Variants in FAM81B observed in about 807,000 individuals in gnomAD.
The protein encoded by FAM81B is family with sequence similarity 81 member B.
A neutral mutation model predicts 58.7 loss-of-function variants in FAM81B; 60 were observed. The ratio of observed to expected loss-of-function variants is 1.02; its 90% CI spans 0.83 to 1.27. The LOEUF (loss-of-function observed/expected upper bound fraction) is 1.27, where lower values mean the gene tolerates loss of function less well. Among genes scored for constraint, FAM81B ranks in the 50% most tolerant of loss-of-function variants. The probability of loss-of-function intolerance (pLI) is 0.00; values close to 1 mark genes in which losing one functional copy is unlikely to be tolerated. For synonymous variants in FAM81B, 189 were observed against 179.6 expected, an observed-to-expected ratio of 1.05 and a Z score of -0.42; for missense variants, 491 against 522.0, an observed-to-expected ratio of 0.94 and a Z score of 0.58.
intron 3 of FAM81B, among the ~76,000 whole-genome samples, chr5:95,398,967 G>A (rs1368085753): frequency 6.6e-6 from 1 of 152,212 alleles, no homozygotes; most frequent in Non-Finnish European, 1.5e-5. Flanking sequence ...TGGAGAAAAT[G>A]AATCCTGAGT....
At chr5:95,417,123 A>G (rs1432921377) in intron 4 of FAM81B, among the ~76,000 whole-genome samples, 1 of 152,236 alleles carries the variant, frequency 6.6e-6, no homozygotes, top group Non-Finnish European at 1.5e-5. Flanking sequence ...ATCTATTCTT[A>G]GAAGTGGAAT....
chr5:95,427,467 T>TA (rs983401482), intron 5 of FAM81B, among the ~76,000 whole-genome samples: 2 of 152,198 alleles, frequency 1.3e-5, no homozygotes, highest in Non-Finnish European at 2.9e-5. Context: ...AGGGTGATAC[T>TA]AAAGGGATAC....
At chr5:95,435,826 T>C (rs1354857209) in intron 6 of FAM81B, among the ~76,000 whole-genome samples, 2 of 152,226 alleles carry the variant, frequency 1.3e-5, no homozygotes, top group South Asian at 4.1e-4. Flanking sequence ...CCTATTATTA[T>C]AATAAATTGC....
rs995843690 is a variant in FAM81B at position 95,424,449 on chromosome 5, A to T, written c.656+4047A>T. Among the ~76,000 whole-genome samples the T allele has an allele frequency of 1.2e-4, 7 of 60,330 alleles. 1 individual carries two copies. Among genetic ancestry groups the T allele is most frequent in the South Asian group, 1.0e-3 (2 of 1,936 alleles). The allele number at this position is 60,330 out of a possible 152,430, so 39.6% of individuals were successfully genotyped here. A position where few individuals can be genotyped will look rare whatever the true frequency, so the allele number is the denominator to read the frequency against. On this transcript the variant is annotated intron_variant, in intron 5 of 9. Coordinates refer to ENST00000283357, the MANE Select transcript of FAM81B (RefSeq NM_152548.3). Reference sequence around the variant, plus strand: ...ATTAAGAACAAAAGACAAAGAATTTAAAAAAAAAAAAAAAAAGGATTACTT... The same window carrying T: ...ATTAAGAACAAAAGACAAAGAATTTTAAAAAAAAAAAAAAAAGGATTACTT...
chr5:95,392,448 C>T (rs1761850319), intron 1 of FAM81B, among the ~76,000 whole-genome samples: 1 of 152,046 alleles, frequency 6.6e-6, no homozygotes, highest in Non-Finnish European at 1.5e-5. Context: ...ACGTGTATAC[C>T]TACGTAACAA....
At chr5:95,407,148 C>A (rs550940803) in intron 3 of FAM81B, among the ~76,000 whole-genome samples, 10 of 152,202 alleles carry the variant, frequency 6.6e-5, no homozygotes, top group African/African-American at 2.2e-4. Context: ...AGGCCCCCAC[C>A]CCACCAGACA....
In FAM81B at chr5:95,428,723, G is replaced by A. The variant is rs374317657; in HGVS notation, c.777G>A (p.Leu259=). The change falls in exon 6 of 10, where the codon TTG becomes TTA. Residue 259 remains leucine (L), a synonymous_variant. Transcript: ENST00000283357. ...VPALETLSKN[L]DMKVMQLLGK... is the part of the protein sequence containing the mutation. ...CCCTGGAAACTCTTTCCAAGAACTT[G>A]GACATGAAGGTAATTGAAAATAGAT... 6.2e-7 allele frequency: 1 copy of A among 1,613,752 alleles called. No homozygotes were observed. Among genetic ancestry groups the A allele is most frequent in the Admixed American group, 1.7e-5 (1 of 60,018 alleles).
intron 8 of FAM81B, among the ~76,000 whole-genome samples, chr5:95,447,887 C>T (rs1010526314): frequency 2.0e-5 from 3 of 152,240 alleles, no homozygotes; most frequent in East Asian, 1.9e-4. Flanking sequence ...TGTTACTAAA[C>T]GACTGGAATG....
At chr5:95,399,024 G>A (rs1308462151) in intron 3 of FAM81B, among the ~76,000 whole-genome samples, 3 of 152,216 alleles carry the variant, frequency 2.0e-5, no homozygotes, top group Non-Finnish European at 4.4e-5. Context: ...ACAAAAAGGA[G>A]GCCAAGGAAC....
At chr5:95,443,047 A>G (rs943628203) in intron 7 of FAM81B, among the ~76,000 whole-genome samples, 4 of 152,244 alleles carry the variant, frequency 2.6e-5, no homozygotes, top group Admixed American at 6.5e-5. Flanking sequence ...CCAAGAATTC[A>G]AAATCTTGGA....
At position 95,391,504 on chromosome 5, in the gene FAM81B, A is replaced by G. The variant is rs1761814907; in HGVS notation, c.115A>G (p.Met39Val). The G allele has an allele frequency of 2.5e-6, 4 of 1,613,356 alleles. No homozygotes were observed. The South Asian group carries it at 3.3e-5, about 13-fold the overall frequency. Residue 39 changes from methionine to valine, a missense_variant, in exon 1 of 10, where the codon ATG (methionine) becomes GTG (valine). Physicochemically the swap from Met to Val is conservative, Grantham distance 21. Transcript: ENST00000283357. Reference sequence around the variant, plus strand: ...AAATAAAGCTGGAAAAGCAAGCATCATGAGTTCAGGTACTTATGGACTATT... The same window carrying G: ...AAATAAAGCTGGAAAAGCAAGCATCGTGAGTTCAGGTACTTATGGACTATT... ...TKNKAGKASI[M>V]SSDTNVNKSA...
intron 3 of FAM81B, among the ~76,000 whole-genome samples, chr5:95,400,326 AG>A (rs1276347173): frequency 6.6e-6 from 1 of 151,978 alleles, no homozygotes; most frequent in African/African-American, 2.4e-5. Flanking sequence ...CTTGGCTTGT[AG>A]ATGTGTCAGT....
chr5:95,422,922 AT>A (rs1359510882), intron 5 of FAM81B, among the ~76,000 whole-genome samples: 1 of 152,066 alleles, frequency 6.6e-6, no homozygotes, highest in African/African-American at 2.4e-5. Context: ...ACAAGGTCTT[AT>A]TTTTCCTTGA....
intron 5 of FAM81B, 87 bp downstream of exon 5, chr5:95,420,489 A>G (rs1388587472): frequency 6.4e-7 from 1 of 1,563,978 alleles, no homozygotes; most frequent in African/African-American, 1.4e-5. Flanking sequence ...GCTGTGGAAA[A>G]AAGATATTGT....
At chr5:95,437,785 T>A (rs1017527869) in intron 7 of FAM81B, among the ~76,000 whole-genome samples, 15 of 152,312 alleles carry the variant, frequency 9.8e-5, no homozygotes, top group African/African-American at 2.6e-4. Context: ...TTTCTTTTTT[T>A]AAATGATCAT....
chr5:95,423,955 A>G (rs1241570408), intron 5 of FAM81B: 1 of 1,243,912 alleles, frequency 8.0e-7, no homozygotes, highest in East Asian at 5.6e-5. Flanking sequence ...GGAGAAAGAC[A>G]ACATGTCCCC....
intron 8 of FAM81B, among the ~76,000 whole-genome samples, chr5:95,447,916 C>T (rs6556874): frequency 0.26 from 40,107 of 152,026 alleles, 7,510 homozygotes; most frequent in African/African-American, 0.53. Flanking sequence ...CTATTCTAGC[C>T]GAAGTCTGTC....
chr5:95,448,766 T>C, intron 9 of FAM81B: 1 of 468,642 alleles, frequency 2.1e-6, no homozygotes, highest in South Asian at 1.7e-5. Context: ...ACTTGGAAAA[T>C]CCTTGGACAT....
At chr5:95,420,511 G>C in intron 5 of FAM81B, 109 bp downstream of exon 5, 1 of 1,450,410 alleles carries the variant, frequency 6.9e-7, no homozygotes, top group South Asian at 1.3e-5. Context: ...TACACATTAA[G>C]CTAAACTAAT....
Sources: gnomAD v4.1 joint callset for allele counts (sites outside exome capture counted in the v4.1 genomes callset) on GRCh38, gnomAD v4.1.1 for gene constraint, MANE v1.5 for transcripts, NCBI Gene and HGNC (gene_info 2026-07-23, HGNC 2026-07-21) for gene names.